The following NEB variants were observed in gnomAD, a reference collection of about 807,000 sequenced individuals.
NEB encodes nebulin, also known as nemaline myopathy type 2.
Under a neutral mutation model 952.2 loss-of-function variants are expected in NEB, and 512 were observed. The observed-to-expected ratio is 0.54, with a 90% CI of 0.50 to 0.58. The LOEUF is 0.58. Ranked by LOEUF, NEB falls within the 20% of genes least tolerant of loss-of-function variation. NEB has a pLI of 0.00. For missense variants in NEB, 8,428 were observed against 9,231.1 expected (o/e 0.91, Z 3.56); for synonymous variants, 2,900 against 3,149.8 (o/e 0.92, Z 2.66).
chr2:151,493,508 C>A, intron 175 of NEB, 63 bp from the exon 176 acceptor site: 1 of 1,098,272 alleles, frequency 9.1e-7, no homozygotes, highest in South Asian at 1.6e-5. Context: ...AAAATCATCA[C>A]TTAGCTGGTG....
In NEB at chr2:151,625,633, T is replaced by A. The variant is rs1320340726; in HGVS notation, c.10353A>T (p.Leu3451Phe). Residue 3451 changes from leucine to phenylalanine, a missense_variant, in exon 71 of 182, where the codon TTA becomes TTT. Around this residue, in one of 11 missense-constraint regions of NEB, gnomAD observed 1,772 missense variants for 1,960.3 expected, o/e 0.90. Transcript: ENST00000397345. ...KNNALNMNKRLYTEAWDKDKT... is the reference protein window; with the variant it reads ...KNNALNMNKRFYTEAWDKDKT... ...TGTCTTTGTCCCAGGCTTCTGTGTA[T>A]AAGCGCTGTGAAGGATAAAAAGGTT... The A allele has an allele frequency of 1.3e-6, 2 of 1,597,862 alleles. No individual in the cohort carries two copies. The highest frequency in any genetic ancestry group is 2.7e-5 in the African/African-American group (2 of 74,794).
rs555419306 is a variant in NEB at position 151,506,369 on chromosome 2, T to C, written c.23557-111A>G. On this transcript the variant is annotated intron_variant, in intron 163 of 181. Transcript: ENST00000397345. ...TGTGAAAACAAGACACTAGACGATG[T>C]TCCCAGGCAAGTGCCAGAGCATCGC... 2.8e-4 allele frequency: 226 copies of C among 797,172 alleles called. No homozygotes were observed. In the African/African-American group the frequency reaches 3.3e-3, roughly 12 times the overall value. 49.4% of individuals were successfully genotyped at this position (797,172 alleles called of 1,614,324 possible). A position where few individuals can be genotyped will look rare whatever the true frequency, so the allele number is the denominator to read the frequency against.
intron 177 of NEB, 23 bp downstream of exon 177, chr2:151,492,364 A>G: frequency 1.3e-5 from 20 of 1,592,598 alleles, no homozygotes; most frequent in Non-Finnish European, 1.7e-5. Flanking sequence ...CAGCCAGCCA[A>G]TCCTAAAGAA....
intron 181 of NEB, among the ~76,000 whole-genome samples, chr2:151,488,948 A>G (rs2053679803): frequency 6.6e-6 from 1 of 151,950 alleles, no homozygotes; most frequent in Admixed American, 6.5e-5. Flanking sequence ...TAATAGCTTT[A>G]TAGTATGTTT....
rs192187173 is a variant in NEB, at chr2:151,554,095, G to A, written c.19429-70C>T. The A allele has an allele frequency of 2.1e-3, 3,153 of 1,476,590 alleles. 57 individuals carry two copies. In the South Asian group the frequency reaches 0.027, roughly 12 times the overall value. 91.5% of individuals were successfully genotyped at this position (1,476,590 alleles called of 1,614,324 possible). A position where few individuals can be genotyped will look rare whatever the true frequency, so the allele number is the denominator to read the frequency against. On this transcript the variant is annotated intron_variant, in intron 125 of 181. Coordinates refer to ENST00000397345, the MANE Select transcript of NEB (RefSeq NM_001164508.2). ...AAGGCATCATGGCCATACATGAGAA[G>A]TCAGGCTAACCAACTCACAGCGAAC...
At chr2:151,644,435 T>C (rs774342495) in intron 56 of NEB, 33 bp downstream of exon 56, 1 of 1,555,398 alleles carries the variant, frequency 6.4e-7, no homozygotes, top group South Asian at 1.1e-5. Flanking sequence ...TAAATTGCAA[T>C]CAAATCAATA....
chr2:151,724,921 C>T lies in NEB; in HGVS notation c.443G>A (p.Cys148Tyr). ...RMDGDVAKTI[C>Y]HVDEKAKDIE... Reference sequence around the variant, plus strand: ...ATCCTTTGCTTTTTCATCTACGTGACATATAGTCTTAGCAACATCACCATC... The same window carrying T: ...ATCCTTTGCTTTTTCATCTACGTGATATATAGTCTTAGCAACATCACCATC... Residue 148 changes from cysteine (C) to tyrosine (Y), a missense_variant, in exon 7 of 182, where the codon TGT becomes TAT. Physicochemically the swap from Cys to Tyr is radical, Grantham distance 194. Around this residue, in one of 11 missense-constraint regions of NEB, gnomAD observed 2,851 missense variants for 2,791.5 expected, o/e 1.02. Coordinates refer to ENST00000397345, the MANE Select transcript of NEB (RefSeq NM_001164508.2). 1 of 1,613,874 alleles carries T rather than the reference C, an allele frequency of 6.2e-7. No homozygotes were observed. The highest frequency in any genetic ancestry group is 8.5e-7 in the Non-Finnish European group (1 of 1,179,848).
At chr2:151,527,051 G>C in intron 147 of NEB, 29 bp from the exon 148 acceptor site, 1 of 1,469,804 alleles carries the variant, frequency 6.8e-7, no homozygotes, top group Non-Finnish European at 9.4e-7. Flanking sequence ...AGAAGAAAAG[G>C]GAAGGGTGAC....
intron 167 of NEB, among the ~76,000 whole-genome samples, chr2:151,502,252 C>A (rs942735262): frequency 6.6e-6 from 1 of 152,090 alleles, no homozygotes; most frequent in African/African-American, 2.4e-5. Flanking sequence ...GAATAAAACA[C>A]TACAAATATG....
At chr2:151,605,735 GGAACA>G (rs2097679822) in intron 84 of NEB, among the ~76,000 whole-genome samples, 1 of 96,074 alleles carries the variant, frequency 1.0e-5, no homozygotes, top group African/African-American at 3.0e-5. Flanking sequence ...CACAGAGAAA[GGAACA>G]AGGTGGCTTA....
chr2:151,725,108 G>C, intron 6 of NEB, 147 bp from the exon 7 acceptor site: 1 of 663,438 alleles, frequency 1.5e-6, no homozygotes. Context: ...GGAAAAATGT[G>C]ATCTTCAAAG....
Position 151,658,080 on chromosome 2 carries a change from T to C in NEB, c.6086A>G (p.Lys2029Arg), listed in dbSNP as rs747575539. 5 of 1,597,046 alleles carry C rather than the reference T, an allele frequency of 3.1e-6. No homozygotes were observed. The highest frequency in any genetic ancestry group is 1.3e-5 in the African/African-American group (1 of 74,668). ...CTTTTTAGACTCTTCCAAGGAAAGT[T>C]TGTAGAGTTTCTGTAAAGAGAGGCA... The part of the protein sequence containing the change: ...NAINMSDKLY[K>R]LSLEESKKKG... Residue 2029 changes from lysine (K) to arginine (R), a missense_variant, in exon 48 of 182, where the codon AAA (lysine) becomes AGA (arginine). Transcript: ENST00000397345.
chr2:151,558,820 C>T (rs1283809404), intron 124 of NEB, among the ~76,000 whole-genome samples: 1 of 152,030 alleles, frequency 6.6e-6, no homozygotes, highest in Non-Finnish European at 1.5e-5. Context: ...TAAAAATGTA[C>T]ACATAAGACC....
chr2:151,687,553 C>A, intron 26 of NEB, 21 bp from the exon 27 acceptor site: 1 of 1,612,490 alleles, frequency 6.2e-7, no homozygotes, highest in Non-Finnish European at 8.5e-7. Flanking sequence ...ATCACACATG[C>A]CAGATCCCAC....
chr2:151,630,079 T>G (rs1314835385), intron 67 of NEB, among the ~76,000 whole-genome samples: 2 of 152,082 alleles, frequency 1.3e-5, no homozygotes, highest in African/African-American at 4.8e-5. Context: ...TTACCTACAA[T>G]TTGTATGACA....
chr2:151,714,111 C>T (rs2099752982), intron 10 of NEB, among the ~76,000 whole-genome samples: 1 of 152,086 alleles, frequency 6.6e-6, no homozygotes, highest in African/African-American at 2.4e-5. Context: ...CGCTAACCTC[C>T]CACCCCCATC....
intron 153 of NEB, among the ~76,000 whole-genome samples, chr2:151,523,135 T>C (rs889846528): frequency 6.6e-6 from 1 of 152,220 alleles, no homozygotes; most frequent in Non-Finnish European, 1.5e-5. Context: ...TTTGCATTAA[T>C]AAGTTCTTGT....
Position 151,666,202 on chromosome 2 carries a change from G to T in NEB, c.4919C>A (p.Ser1640Tyr), listed in dbSNP as rs754635266. 6.2e-7 allele frequency: 1 copy of T among 1,613,924 alleles called. No homozygotes were observed. Among genetic ancestry groups the T allele is most frequent in the South Asian group, 1.1e-5 (1 of 91,078 alleles). ...GTTGGCGTTGGTGGCAACCTCCTGA[G>T]ATTTCTTTGCAGCTGTCACACTGAC... ...DMVSVTAAKK[S>Y]QEVATNANYR... The change falls in exon 41 of 182, where the codon TCT becomes TAT. Residue 1640 changes from serine (S) to tyrosine (Y), a missense_variant. Transcript: ENST00000397345.
intron 135 of NEB, 81 bp from the exon 136 acceptor site, chr2:151,541,632 C>A: frequency 9.0e-7 from 1 of 1,111,496 alleles, no homozygotes; most frequent in Non-Finnish European, 1.3e-6. Context: ...ACTGCTTTTA[C>A]ATAGAAAAGG....
Sources: allele counts gnomAD v4.1 joint callset (sites outside exome capture counted in the v4.1 genomes callset), GRCh38; gene constraint gnomAD v4.1.1; regional missense constraint gnomAD v4.1.1; transcripts MANE v1.5; gene names NCBI Gene and HGNC (gene_info 2026-07-23, HGNC 2026-07-21).